PRDM16: variants seen among roughly 807,000 people sequenced by gnomAD.
PRDM16 encodes the protein PR/SET domain 16, also known as histone-lysine N-methyltransferase PRDM16.
Under a neutral mutation model 110.6 loss-of-function variants are expected in PRDM16, and 23 were observed. The ratio of observed to expected loss-of-function variants is 0.21; its 90% CI spans 0.15 to 0.29. The LOEUF is 0.29. Ranked by LOEUF, PRDM16 falls within the 10% of genes least tolerant of loss-of-function variation. The pLI is 1.00. For synonymous variants in PRDM16, 799 were observed against 781.8 expected (o/e 1.02, Z -0.37); for missense variants, 1,615 against 1,794.3 (o/e 0.90, Z 1.81).
intron 1 of PRDM16, among the ~76,000 whole-genome samples, chr1:3,106,982 C>A (rs1412711793): frequency 1.3e-5 from 2 of 152,222 alleles, no homozygotes; most frequent in Non-Finnish European, 2.9e-5. Flanking sequence ...CTCCCCTGCC[C>A]CACCAGAGGC....
chr1:3,320,096 A>G (rs2100449718), intron 3 of PRDM16, among the ~76,000 whole-genome samples: 1 of 152,256 alleles, frequency 6.6e-6, no homozygotes, highest in African/African-American at 2.4e-5. Flanking sequence ...TTGTTCCTGG[A>G]TATAGAACCG....
In PRDM16 at chr1:3,288,418, C is replaced by T. The variant is rs78332953; in HGVS notation, c.438+44281C>T. Among the ~76,000 whole-genome samples the T allele has an allele frequency of 5.3e-5, 8 of 152,298 alleles. No individual in the cohort carries two copies. The East Asian group carries it at 5.8e-4, about 11-fold the overall frequency. Reference sequence around the variant, plus strand: ...GGCCTTCTCTGGGCTCTATGTCCCACGGCTGGAAGGGAACGCCCTCACCTT... The same window carrying T: ...GGCCTTCTCTGGGCTCTATGTCCCATGGCTGGAAGGGAACGCCCTCACCTT... On this transcript the variant is annotated intron_variant, in intron 3 of 16. Transcript: ENST00000270722.
At chr1:3,332,207 G>T (rs1642055158) in intron 3 of PRDM16, among the ~76,000 whole-genome samples, 1 of 152,282 alleles carries the variant, frequency 6.6e-6, no homozygotes, top group African/African-American at 2.4e-5. Context: ...GGAGGTGCGT[G>T]CACTGGGAAG....
Position 3,117,434 on chromosome 1 carries a change from A to G in PRDM16, c.37+48138A>G, listed in dbSNP as rs530932158. Among the ~76,000 whole-genome samples, 112 of 152,126 alleles carry G rather than the reference A, an allele frequency of 7.4e-4. 1 individual carries two copies. Among genetic ancestry groups the G allele is most frequent in the African/African-American group, 2.6e-3 (106 of 41,504 alleles). On this transcript the variant is annotated intron_variant, in intron 1 of 16. Transcript: ENST00000270722. ...GCGGGTGAGAACGCAGGGGGAAGGA[A>G]CACCCTTTCTGCCCCAGAGAGCCTG... is the stretch of plus-strand genomic sequence containing the variant.
intron 3 of PRDM16, among the ~76,000 whole-genome samples, chr1:3,294,049 C>G (rs931439995): frequency 7.9e-5 from 12 of 152,184 alleles, no homozygotes; most frequent in Non-Finnish European, 1.5e-4. Flanking sequence ...CTCCTTACTC[C>G]CCCGGGGGCC....
At chr1:3,267,987 C>G (rs556819434) in intron 3 of PRDM16, among the ~76,000 whole-genome samples, 84 of 152,368 alleles carry the variant, frequency 5.5e-4, no homozygotes, top group Admixed American at 3.3e-3. Flanking sequence ...GCCTGCCGTT[C>G]GCAAGCAACG....
At chr1:3,402,728 C>A in intron 5 of PRDM16, 63 bp from the exon 6 acceptor site, 1 of 1,460,720 alleles carries the variant, frequency 6.8e-7, no homozygotes. Flanking sequence ...TCTCCAGAGT[C>A]CCCTGATAGC....
intron 3 of PRDM16, among the ~76,000 whole-genome samples, chr1:3,355,512 T>A (rs60095027): frequency 0.12 from 18,268 of 152,142 alleles, 2,528 homozygotes; most frequent in African/African-American, 0.34. Flanking sequence ...CTCTGCTGGT[T>A]GCAGCTCTTG....
intron 1 of PRDM16, among the ~76,000 whole-genome samples, chr1:3,146,671 TG>T (rs1250828699): frequency 7.9e-6 from 1 of 126,166 alleles, no homozygotes; most frequent in Admixed American, 8.1e-5. Flanking sequence ...GTGCTCAGTG[TG>T]GGGTGTGTGT....
At chr1:3,376,202 G>A (rs1642987734) in intron 3 of PRDM16, among the ~76,000 whole-genome samples, 1 of 152,182 alleles carries the variant, frequency 6.6e-6, no homozygotes, top group African/African-American at 2.4e-5. Context: ...ATGGCATTTG[G>A]GGTGTCTCCG....
Position 3,213,513 on chromosome 1 carries a change from T to C in PRDM16, c.387+27039T>C, listed in dbSNP as rs1175642483. ...GCGGGTGCCCCCCTGGGTTTGGTTG[T>C]GCCCGTGGGGGGTTGCTAGAGAGTC... On this transcript the variant is annotated intron_variant, in intron 2 of 16. Coordinates refer to ENST00000270722, the MANE Select transcript of PRDM16 (RefSeq NM_022114.4). The surrounding 1 kb of genome is among the most constrained non-coding windows in gnomAD (Gnocchi z 5.3). Among the ~76,000 whole-genome samples, 1 of 152,204 alleles carries C rather than the reference T, an allele frequency of 6.6e-6. No homozygotes were observed. The highest frequency in any genetic ancestry group is 1.5e-5 in the Non-Finnish European group (1 of 68,040).
intron 2 of PRDM16, among the ~76,000 whole-genome samples, chr1:3,234,459 C>G (rs2100893553): frequency 6.6e-6 from 1 of 152,354 alleles, no homozygotes; most frequent in East Asian, 1.9e-4. Flanking sequence ...CAGGCGGGAG[C>G]CGGACCCTGT....
At chr1:3,260,119 CTT>C (rs1350701401) in intron 3 of PRDM16, among the ~76,000 whole-genome samples, 2 of 152,220 alleles carry the variant, frequency 1.3e-5, no homozygotes, top group Non-Finnish European at 2.9e-5. Context: ...AAAAGAAACT[CTT>C]TGCTTTTCAA....
At chr1:3,164,581 T>G (rs1467152533) in intron 1 of PRDM16, among the ~76,000 whole-genome samples, 1 of 152,124 alleles carries the variant, frequency 6.6e-6, no homozygotes, top group South Asian at 2.1e-4. Context: ...CAGAAAACTT[T>G]CCCGGTGTGT....
intron 1 of PRDM16, among the ~76,000 whole-genome samples, chr1:3,126,888 C>T (rs1240195452): frequency 2.0e-5 from 3 of 152,324 alleles, no homozygotes; most frequent in African/African-American, 4.8e-5. Flanking sequence ...GGCCCGGGCC[C>T]GCTGTCTGTT....
chr1:3,386,297 A>G (rs1192386370), intron 4 of PRDM16, among the ~76,000 whole-genome samples: 1 of 152,266 alleles, frequency 6.6e-6, no homozygotes, highest in Non-Finnish European at 1.5e-5. Context: ...ACGTCACGGA[A>G]CATTCCCGCG....
intron 1 of PRDM16, among the ~76,000 whole-genome samples, chr1:3,172,266 T>A (rs765996583): frequency 2.0e-5 from 3 of 152,112 alleles, no homozygotes; most frequent in Non-Finnish European, 2.9e-5. Context: ...TGGAAGTGGC[T>A]TTACCCCACT....
At chr1:3,185,921 T>A (rs1199662195) in intron 1 of PRDM16, among the ~76,000 whole-genome samples, 4 of 152,206 alleles carry the variant, frequency 2.6e-5, no homozygotes, top group Non-Finnish European at 4.4e-5. Context: ...GATCCCATCC[T>A]CTGGAGCCTC....
chr1:3,408,789 C>A (rs1427941391), intron 8 of PRDM16, among the ~76,000 whole-genome samples: 1 of 105,742 alleles, frequency 9.5e-6, no homozygotes, highest in African/African-American at 4.5e-5. Flanking sequence ...GGCGCGTGAG[C>A]CGGTGCGTGT....
Sources: gnomAD v4.1 joint callset for allele counts (sites outside exome capture counted in the v4.1 genomes callset) on GRCh38, gnomAD v4.1.1 for gene constraint, Gnocchi (gnomAD v3.1) non-coding constraint, MANE v1.5 for transcripts, NCBI Gene and HGNC (gene_info 2026-07-23, HGNC 2026-07-21) for gene names.